Variants in HTT observed in about 807,000 individuals in gnomAD.
The protein encoded by HTT is huntingtin, also known as huntington disease protein.
Under a neutral mutation model 362.3 loss-of-function variants are expected in HTT, and 104 were observed. The observed-to-expected ratio is 0.29, with a 90% confidence interval of 0.24 to 0.34. HTT has a LOEUF of 0.34. Ranked by LOEUF, HTT falls within the 10% of genes least tolerant of loss-of-function variation. HTT has a pLI of 1.00. For synonymous variants in HTT, 1,577 were observed against 1,548.7 expected (o/e 1.02, Z -0.43); for missense variants, 3,301 against 3,928.6 (o/e 0.84, Z 4.27).
chr4:3,201,345 A>G (rs1033856819), intron 41 of HTT, among the ~76,000 whole-genome samples: 2 of 152,202 alleles, frequency 1.3e-5, no homozygotes, highest in Admixed American at 6.5e-5. Context: ...CCTGGCCAAC[A>G]TGATGAAATG....
At chr4:3,147,957 T>G (rs774291743) in intron 25 of HTT, 48 bp from the exon 26 acceptor site, 2 of 1,464,942 alleles carry the variant, frequency 1.4e-6, no homozygotes, top group Non-Finnish European at 1.9e-6. Context: ...CAATTTGTCC[T>G]TCCCATGCTA....
At position 3,199,824 on chromosome 4, in the gene HTT, C is replaced by A. The variant is rs201058625; in HGVS notation, c.5461C>A (p.Arg1821=). The A allele has an allele frequency of 2.7e-5, 43 of 1,614,076 alleles. 1 individual carries two copies. The Admixed American group carries it at 6.8e-4, about 26-fold the overall frequency. Residue 1821 remains arginine (R), a synonymous_variant, in exon 41 of 67, where the codon CGG becomes AGG. Transcript: ENST00000355072. The part of the protein sequence containing the change: ...SFYTLDSLNL[R]ARSMITTHPA... ...CTACACCCTGGACAGCTTGAACTTG[C>A]GGGCTCGTTCCATGATCACCACCCA...
In HTT at chr4:3,218,663, G is replaced by GAA. The variant is rs1233984787; in HGVS notation, c.7242+712_7242+713dup. Among the ~76,000 whole-genome samples the GAA allele has an allele frequency of 6.6e-6, 1 of 152,124 alleles. No individual in the cohort carries two copies. Among genetic ancestry groups the GAA allele is most frequent in the East Asian group, 1.9e-4 (1 of 5,190 alleles). The stretch of plus-strand genomic sequence containing the variant: ...AAAAAAAGGTAGGTGTTATTGATCA[G>GAA]AACCCTTGTTTCAGATAACATGAGG... On this transcript the variant is annotated intron_variant, in intron 52 of 66. Transcript: ENST00000355072. This position sits in a 1 kb window ranked among gnomAD's most constrained non-coding sequence, Gnocchi z 4.4.
intron 40 of HTT, among the ~76,000 whole-genome samples, chr4:3,192,491 C>T (rs1422648967): frequency 6.6e-6 from 1 of 152,150 alleles, no homozygotes; most frequent in African/African-American, 2.4e-5. Flanking sequence ...TGTGATTGGC[C>T]TTGCATGAGT....
At chr4:3,215,299 G>A in intron 51 of HTT, 88 bp downstream of exon 51, 1 of 965,444 alleles carries the variant, frequency 1.0e-6, no homozygotes. Flanking sequence ...GGTGAGTGTG[G>A]ACTCCTGGAA....
At position 3,145,488 on chromosome 4, in the gene HTT, A is replaced by G. The variant is rs1716554653; in HGVS notation, c.3143+260A>G. On this transcript the variant is annotated intron_variant, in intron 24 of 66. Coordinates refer to ENST00000355072, the MANE Select transcript of HTT (RefSeq NM_001388492.1). ...TTCAAGTTCATTTAAGGGAATTTTC[A>G]TATGCTGGCAAAAGGCTTTTCTCAT... Among the ~76,000 whole-genome samples the G allele has an allele frequency of 2.0e-5, 3 of 152,322 alleles. No individual in the cohort carries two copies. The South Asian group carries it at 6.2e-4, about 32-fold the overall frequency.
chr4:3,201,126 T>G (rs544012909), intron 41 of HTT, among the ~76,000 whole-genome samples: 94 of 152,394 alleles, frequency 6.2e-4, no homozygotes, highest in Non-Finnish European at 1.2e-3. Context: ...GAGGGCAAAC[T>G]ACAGCTTTTT....
chr4:3,187,616 C>G (rs753495566), intron 38 of HTT, 35 bp from the exon 39 acceptor site: 13 of 1,474,258 alleles, frequency 8.8e-6, no homozygotes, highest in Non-Finnish European at 1.1e-5. Flanking sequence ...TTCCTTTTTT[C>G]TTCAGCTGTG....
chr4:3,165,263 C>A (rs1488814270), intron 29 of HTT, among the ~76,000 whole-genome samples: 3 of 152,164 alleles, frequency 2.0e-5, no homozygotes, highest in Non-Finnish European at 4.4e-5. Flanking sequence ...TCTTTTCTGG[C>A]TTGTAGGATT....
intron 31 of HTT, among the ~76,000 whole-genome samples, chr4:3,173,825 C>T (rs970330437): frequency 2.6e-5 from 4 of 152,026 alleles, no homozygotes; most frequent in Admixed American, 1.3e-4. Flanking sequence ...CCTGCCATCA[C>T]GCCTGGCTAA....
In HTT at chr4:3,116,134, C is replaced by A; in HGVS notation, c.939C>A (p.Gly313=). The change falls in exon 8 of 67, where the codon GGC becomes GGA. Residue 313 remains glycine, a synonymous_variant. Coordinates refer to ENST00000355072, the MANE Select transcript of HTT (RefSeq NM_001388492.1). ...EDEHSTLLIL[G]VLLTLRYLVP... ...AACACTCCACTCTGCTGATTCTTGG[C>A]GTGCTGCTCACCCTGAGGTATTTGG... is the stretch of plus-strand genomic sequence containing the variant. 1.9e-6 allele frequency: 3 copies of A among 1,613,702 alleles called. No homozygotes were observed. The highest frequency in any genetic ancestry group is 2.5e-6 in the Non-Finnish European group (3 of 1,179,910).
chr4:3,098,654 C>G (rs1476414130), intron 2 of HTT, among the ~76,000 whole-genome samples: 1 of 152,166 alleles, frequency 6.6e-6, no homozygotes, highest in Non-Finnish European at 1.5e-5. Flanking sequence ...AAATAGTAAA[C>G]AAACTCCAGT....
chr4:3,177,112 T>C (rs1197024548), intron 33 of HTT, among the ~76,000 whole-genome samples: 1 of 152,246 alleles, frequency 6.6e-6, no homozygotes, highest in South Asian at 2.1e-4. Context: ...GTTTTTCCAA[T>C]GAGATTTCAC....
At chr4:3,153,581 G>A (rs1425412431) in intron 26 of HTT, among the ~76,000 whole-genome samples, 2 of 152,206 alleles carry the variant, frequency 1.3e-5, no homozygotes, top group African/African-American at 4.8e-5. Flanking sequence ...CCTTGAATAA[G>A]TTACTTCATC....
intron 46 of HTT, 37 bp from the exon 47 acceptor site, chr4:3,209,790 C>G (rs1320765644): frequency 6.2e-7 from 1 of 1,610,376 alleles, no homozygotes; most frequent in Non-Finnish European, 8.5e-7. Flanking sequence ...TTGAACGCCG[C>G]CCATCATGTT....
intron 26 of HTT, among the ~76,000 whole-genome samples, chr4:3,153,658 C>T (rs1578543264): frequency 6.6e-6 from 1 of 152,112 alleles, no homozygotes; most frequent in East Asian, 1.9e-4. Flanking sequence ...CACGGTGGCT[C>T]ATGCCTGTAA....
In HTT at chr4:3,176,009, TTTG is replaced by T. The variant is rs199497972; in HGVS notation, c.4407+914_4407+916del. 2.0e-5 allele frequency among the ~76,000 whole-genome samples: 3 copies of T among 151,110 alleles called. No individual in the cohort carries two copies. In the East Asian group the frequency reaches 5.8e-4, roughly 29 times the overall value. Reference sequence around the variant, plus strand: ...ATTGGGGTGGTATCTGCTTGTTTTTTTTGTTGTTGTTGTTTGTTTTTTTTTGTT... The same window carrying T: ...ATTGGGGTGGTATCTGCTTGTTTTTTTTGTTGTTGTTTGTTTTTTTTTGTT... On this transcript the variant is annotated intron_variant, in intron 33 of 66. Transcript: ENST00000355072.
Position 3,175,065 on chromosome 4 carries a change from G to C in HTT, c.4365G>C (p.Leu1455=), listed in dbSNP as rs752750776. The part of the protein sequence containing the change: ...QKQVLDLLAQ[L]VQLRVNYCLL... ...AGGTTTTAGATTTGCTGGCGCAGCT[G>C]GTTCAGTTACGGGTTAATTACTGTC... The change falls in exon 33 of 67, where the codon CTG becomes CTC. Residue 1455 remains leucine (L), a synonymous_variant. Transcript: ENST00000355072. 34 of 1,613,988 alleles carry C rather than the reference G, an allele frequency of 2.1e-5. No homozygotes were observed. In the African/African-American group the frequency reaches 4.1e-4, roughly 20 times the overall value.
At chr4:3,223,319 T>C (rs1720762747) in intron 54 of HTT, 87 bp from the exon 55 acceptor site, 9 of 1,320,704 alleles carry the variant, frequency 6.8e-6, no homozygotes, top group African/African-American at 1.5e-5. Context: ...CTTCCTCCCA[T>C]TGAGGCAGGG....
Sources: gnomAD v4.1 joint callset for allele counts (sites outside exome capture counted in the v4.1 genomes callset) on GRCh38, gnomAD v4.1.1 for gene constraint, Gnocchi (gnomAD v3.1) non-coding constraint, MANE v1.5 for transcripts, NCBI Gene and HGNC (gene_info 2026-07-23, HGNC 2026-07-21) for gene names.